Variants in ABLIM1 observed in about 807,000 individuals in gnomAD.
ABLIM1 encodes the protein actin-binding LIM protein 1.
In ABLIM1, 40 loss-of-function variants were observed where a neutral mutation model predicts 107.0. That is an observed-to-expected ratio of 0.37 (90% CI 0.29 to 0.49). ABLIM1 has a LOEUF of 0.49. Among genes scored for constraint, ABLIM1 ranks in the 20% least tolerant of loss-of-function variants. The pLI is 0.97. For missense variants in ABLIM1, 857 were observed against 1,008.5 expected (o/e 0.85, Z 2.04); for synonymous variants, 357 against 357.3 (o/e 1.00, Z 0.01).
At chr10:114,748,927 C>T (rs548233889) in intron 1 of ABLIM1, among the ~76,000 whole-genome samples, 1 of 152,252 alleles carries the variant, frequency 6.6e-6, no homozygotes, top group South Asian at 2.1e-4. Flanking sequence ...TCTGCCTTGG[C>T]CTCCCAAAGT....
At chr10:114,726,844 GC>G (rs1163460353) in intron 1 of ABLIM1, among the ~76,000 whole-genome samples, 1 of 151,942 alleles carries the variant, frequency 6.6e-6, no homozygotes, top group African/African-American at 2.4e-5. Context: ...TGAGAAATCC[GC>G]CCCCATGATC....
intron 17 of ABLIM1, among the ~76,000 whole-genome samples, chr10:114,442,786 G>A (rs1166451365): frequency 1.3e-5 from 2 of 152,152 alleles, no homozygotes; most frequent in Non-Finnish European, 2.9e-5. Flanking sequence ...TCACTGGCAT[G>A]TTGTGAACAT....
intron 1 of ABLIM1, among the ~76,000 whole-genome samples, chr10:114,666,658 C>T (rs994258826): frequency 6.7e-6 from 1 of 148,976 alleles, no homozygotes; most frequent in Non-Finnish European, 1.5e-5. Flanking sequence ...ATCTGTAAAA[C>T]AGATACAAGA....
intron 11 of ABLIM1, 97 bp downstream of exon 11, chr10:114,468,084 T>G (rs111359366): frequency 8.8e-7 from 1 of 1,133,240 alleles, no homozygotes; most frequent in South Asian, 1.3e-5. Context: ...TCTGTTCTTT[T>G]GTATGTTATG....
At chr10:114,610,259 T>C (rs1462124991) in intron 1 of ABLIM1, among the ~76,000 whole-genome samples, 3 of 152,140 alleles carry the variant, frequency 2.0e-5, no homozygotes, top group Non-Finnish European at 4.4e-5. Flanking sequence ...CGACACACCA[T>C]TGGGAGGACC....
the ABLIM1 span, among the ~76,000 whole-genome samples, chr10:114,795,784 A>G: frequency 3.3e-5 from 5 of 152,136 alleles, no homozygotes; most frequent in Non-Finnish European, 5.9e-5. Flanking sequence ...AATCCTCTCA[A>G]TTCTTCCAGA....
chr10:114,712,077 G>A (rs985874477), intron 1 of ABLIM1, among the ~76,000 whole-genome samples: 8 of 152,188 alleles, frequency 5.3e-5, no homozygotes, highest in Non-Finnish European at 1.0e-4. Context: ...TAATGGCTGG[G>A]CTCGGTGACT....
intron 17 of ABLIM1, 65 bp from the exon 18 acceptor site, chr10:114,441,851 T>C (rs2060250705): frequency 2.1e-6 from 3 of 1,436,494 alleles, no homozygotes; most frequent in East Asian, 2.3e-5. Flanking sequence ...TTTAATGAAA[T>C]TGGCAGTATC....
At chr10:114,753,896 G>A (rs564871063) in intron 1 of ABLIM1, among the ~76,000 whole-genome samples, 158 of 152,252 alleles carry the variant, frequency 1.0e-3, no homozygotes, top group African/African-American at 3.5e-3. Context: ...CTGTCGCCCA[G>A]GCTGGATTGC....
At chr10:114,602,120 A>G (rs1024230513) in intron 1 of ABLIM1, among the ~76,000 whole-genome samples, 159 bp from the exon 2 acceptor site, 2 of 152,184 alleles carry the variant, frequency 1.3e-5, no homozygotes, top group Non-Finnish European at 2.9e-5. Context: ...AGAGACACAA[A>G]GACCCATAAG....
chr10:114,438,266 T>C (rs1467954772), intron 21 of ABLIM1, among the ~76,000 whole-genome samples: 11 of 152,208 alleles, frequency 7.2e-5, no homozygotes, highest in Non-Finnish European at 1.6e-4. Flanking sequence ...TTTTTGTTTT[T>C]CTTTTTTTGT....
chr10:114,504,757 T>C (rs538800914), intron 6 of ABLIM1, among the ~76,000 whole-genome samples: 8 of 152,186 alleles, frequency 5.3e-5, no homozygotes, highest in Admixed American at 1.3e-4. Context: ...TGACTGGATA[T>C]ACCTGGACTT....
chr10:114,788,711 G>A, the ABLIM1 span, among the ~76,000 whole-genome samples: 1 of 152,024 alleles, frequency 6.6e-6, no homozygotes, highest in Non-Finnish European at 1.5e-5. Context: ...CTGGGTGACA[G>A]AGTGGGACTC....
chr10:114,444,236 C>T, intron 16 of ABLIM1, 102 bp from the exon 17 acceptor site: 1 of 1,052,212 alleles, frequency 9.5e-7, no homozygotes, highest in Non-Finnish European at 1.4e-6. Flanking sequence ...CAAGAAGTTT[C>T]TCTTGCTGGA....
chr10:114,496,515 G>A (rs2059691046), intron 6 of ABLIM1, among the ~76,000 whole-genome samples: 1 of 152,070 alleles, frequency 6.6e-6, no homozygotes, highest in Non-Finnish European at 1.5e-5. Flanking sequence ...GGTGGCGGGG[G>A]AAGAGCATTA....
chr10:114,648,362 T>C (rs1380059965), intron 1 of ABLIM1, among the ~76,000 whole-genome samples: 1 of 152,224 alleles, frequency 6.6e-6, no homozygotes, highest in Non-Finnish European at 1.5e-5. Flanking sequence ...AGGAATACGG[T>C]ATTGATAAAT....
At chr10:114,505,177 G>A (rs1311580753) in intron 6 of ABLIM1, among the ~76,000 whole-genome samples, 2 of 152,162 alleles carry the variant, frequency 1.3e-5, no homozygotes, top group Non-Finnish European at 1.5e-5. Flanking sequence ...AATTCATCAT[G>A]CTTCTGGCTT....
chr10:114,768,802 C>G (rs11196906), upstream of ABLIM1, among the ~76,000 whole-genome samples: 7 of 152,198 alleles, frequency 4.6e-5, no homozygotes, highest in Admixed American at 1.3e-4. Flanking sequence ...TGCATCAACT[C>G]TGAAGAGTCG....
chr10:114,469,179 G>A (rs893571804), intron 10 of ABLIM1, among the ~76,000 whole-genome samples: 3 of 151,860 alleles, frequency 2.0e-5, no homozygotes, highest in Non-Finnish European at 4.4e-5. Context: ...ACTATGATGA[G>A]TTACAGCATC....
Sources: gnomAD v4.1 joint callset for allele counts (sites outside exome capture counted in the v4.1 genomes callset) on GRCh38, gnomAD v4.1.1 for gene constraint, MANE v1.5 for transcripts, NCBI Gene and HGNC (gene_info 2026-07-23, HGNC 2026-07-21) for gene names.